Variants in MMADHC observed in about 807,000 individuals in gnomAD.
MMADHC encodes cobalamin trafficking protein CblD.
MMADHC carries 23 observed loss-of-function variants against 36.3 expected under a neutral mutation model. The observed-to-expected ratio is 0.63, with a 90% CI of 0.46 to 0.90. The LOEUF is 0.90. Ranked by LOEUF, MMADHC falls within the 40% of genes least tolerant of loss-of-function variation. MMADHC has a pLI of 0.00. For synonymous variants in MMADHC, 97 were observed against 116.1 expected (o/e 0.84, Z 1.06); for missense variants, 330 against 348.0 (o/e 0.95, Z 0.41).
At chr2:149,585,487 T>C (rs1463049023) in intron 2 of MMADHC, among the ~76,000 whole-genome samples, 2 of 152,224 alleles carry the variant, frequency 1.3e-5, no homozygotes, top group Non-Finnish European at 2.9e-5. Context: ...GATATTTGAA[T>C]TAAATACAAA....
At chr2:149,579,242 A>T (rs1682759629) in intron 4 of MMADHC, among the ~76,000 whole-genome samples, 189 bp downstream of exon 4, 1 of 152,200 alleles carries the variant, frequency 6.6e-6, no homozygotes, top group Admixed American at 6.5e-5. Flanking sequence ...ACAGTAAAAA[A>T]ATTATATAGC....
At chr2:149,580,051 T>C (rs1030879721) in intron 3 of MMADHC, among the ~76,000 whole-genome samples, 4 of 152,224 alleles carry the variant, frequency 2.6e-5, no homozygotes, top group African/African-American at 9.7e-5. Flanking sequence ...TGTTTTGTTT[T>C]TGAGACGGGT....
rs1376956703 is a variant in MMADHC at position 149,579,642 on chromosome 2, C to T, written c.161G>A (p.Arg54Gln). ...VAAAPPDICS[R>Q]TVWPDETMGP... ...CATAGTTTCATCAGGCCACACTGTT[C>T]GAGAGCCTGAAGAGAAACAACAAAA... The change falls in exon 4 of 8, where the codon CGA becomes CAA. Residue 54 changes from arginine (R) to glutamine (Q), a missense_variant. Physicochemically the swap from Arg to Gln is conservative, Grantham distance 43 (BLOSUM62 1). Transcript: ENST00000303319. The T allele has an allele frequency of 5.0e-6, 8 of 1,613,362 alleles. No individual in the cohort carries two copies. The highest frequency in any genetic ancestry group is 4.5e-5 in the East Asian group (2 of 44,870).
chr2:149,575,030 G>GCAATGCTCCAGC (rs1682693407), intron 6 of MMADHC, among the ~76,000 whole-genome samples: 1 of 152,128 alleles, frequency 6.6e-6, no homozygotes, highest in South Asian at 2.1e-4. Flanking sequence ...CTGGATTCAA[G>GCAATGCTCCAGC]CAATCCTCCA....
rs550535145 is a variant in MMADHC, at chr2:149,576,633, T to G, written c.373-91A>C. Reference sequence around the variant, plus strand: ...ATAAACCTGTCTTCCTTAGAAAGCTTTTTGTTTGTTTTTACAAAAAATTAT... The same window carrying G: ...ATAAACCTGTCTTCCTTAGAAAGCTGTTTGTTTGTTTTTACAAAAAATTAT... On this transcript the variant is annotated intron_variant, in intron 4 of 7. Transcript: ENST00000303319. The G allele has an allele frequency of 6.8e-5, 59 of 865,650 alleles. No individual in the cohort carries two copies. The African/African-American group carries it at 7.0e-4, about 10-fold the overall frequency. The allele number at this position is 865,650 out of a possible 1,614,324, so 53.6% of individuals were successfully genotyped here.
chr2:149,586,795 C>A, intron 2 of MMADHC: 3 of 404,960 alleles, frequency 7.4e-6, no homozygotes, highest in Non-Finnish European at 8.8e-6. Flanking sequence ...AAAAAAGGGC[C>A]TAAACATAGA....
At position 149,587,281 on chromosome 2, in the gene MMADHC, T is replaced by C. The variant is rs568361287; in HGVS notation, c.-52-132A>G. 1.5e-3 allele frequency: 959 copies of C among 654,920 alleles called. 7 individuals are homozygous for C. The highest frequency in any genetic ancestry group is 7.4e-3 in the South Asian group (425 of 57,164). The allele number at this position is 654,920 out of a possible 1,614,324, so 40.6% of individuals were successfully genotyped here. On this transcript the variant is annotated intron_variant, in intron 1 of 7. Coordinates refer to ENST00000303319, the MANE Select transcript of MMADHC (RefSeq NM_015702.3). ...CAAAGTCCAAGCTCTCCCCGTACCC[T>C]AAGGAGGCCAGAACTCGCCCCCATG...
chr2:149,576,658 T>C lies in MMADHC; in HGVS notation c.373-116A>G, dbSNP rs535950463. 2.0e-4 allele frequency: 146 copies of C among 729,850 alleles called. 1 individual carries two copies. The South Asian group carries it at 2.2e-3, about 11-fold the overall frequency. 45.2% of individuals were successfully genotyped at this position (729,850 alleles called of 1,614,324 possible). The stretch of plus-strand genomic sequence containing the variant: ...TTTTGTTTGTTTTTACAAAAAATTA[T>C]AATCTAACTGGGAGGTGAGGTAATA... On this transcript the variant is annotated intron_variant, in intron 4 of 7. Transcript: ENST00000303319.
chr2:149,578,031 AAACAAC>A (rs369345545), intron 4 of MMADHC, among the ~76,000 whole-genome samples: 7 of 152,048 alleles, frequency 4.6e-5, no homozygotes, highest in Non-Finnish European at 4.4e-5. Context: ...CAAACAAACC[AAACAAC>A]AACAACAACA....
intron 6 of MMADHC, among the ~76,000 whole-genome samples, chr2:149,572,942 C>T (rs190066721): frequency 6.6e-6 from 1 of 152,228 alleles, no homozygotes; most frequent in East Asian, 1.9e-4. Context: ...AGCTACAGCC[C>T]AAGGGCCAAA....
chr2:149,574,527 A>G (rs1338782236), intron 6 of MMADHC, among the ~76,000 whole-genome samples: 1 of 152,194 alleles, frequency 6.6e-6, no homozygotes, highest in East Asian at 1.9e-4. Context: ...TTTTAACTCA[A>G]GTTAGTGACT....
intron 2 of MMADHC, among the ~76,000 whole-genome samples, chr2:149,583,989 T>C (rs1015550117): frequency 1.3e-5 from 2 of 152,172 alleles, no homozygotes; most frequent in Admixed American, 1.3e-4. Flanking sequence ...ATAACCTCCT[T>C]TGTGATACGT....
chr2:149,572,094 C>T (rs1682649062), intron 6 of MMADHC: 3 of 302,138 alleles, frequency 9.9e-6, no homozygotes, highest in South Asian at 5.1e-5. Context: ...GTCTTACCAT[C>T]CTAATTTATA....
chr2:149,584,314 T>C (rs188282172), intron 2 of MMADHC, among the ~76,000 whole-genome samples: 1 of 152,342 alleles, frequency 6.6e-6, no homozygotes, highest in East Asian at 1.9e-4. Flanking sequence ...ATAATCAATG[T>C]TGGACACTAT....
At chr2:149,580,914 T>C (rs77097900) in intron 3 of MMADHC, among the ~76,000 whole-genome samples, 14,385 of 152,222 alleles carry the variant, frequency 0.095, 689 homozygotes, top group South Asian at 0.13. Context: ...ATTTTGTATT[T>C]CTAACAAGCT....
At chr2:149,574,582 A>AG (rs144022222) in intron 6 of MMADHC, among the ~76,000 whole-genome samples, 2,115 of 152,246 alleles carry the variant, frequency 0.014, 28 homozygotes, top group Middle Eastern at 0.017. Context: ...GCTAACACCC[A>AG]GGGTAAGCTA....
In MMADHC at chr2:149,587,113, T is replaced by C. The variant is rs144111552; in HGVS notation, c.-16A>G. On this transcript the variant is annotated 5_prime_UTR_variant, in exon 2 of 8. Coordinates refer to ENST00000303319, the MANE Select transcript of MMADHC (RefSeq NM_015702.3). ...CATTGGCCATCTCCGCTGGAGAAGA[T>C]AGTTCGCAAAATAGCTTTCCTTTGG... 6.7e-5 allele frequency: 108 copies of C among 1,613,566 alleles called. 1 individual carries two copies. The highest frequency in any genetic ancestry group is 3.6e-4 in the South Asian group (33 of 91,082).
chr2:149,571,923 TCA>T (rs1268690893), intron 6 of MMADHC, among the ~76,000 whole-genome samples: 2 of 152,176 alleles, frequency 1.3e-5, no homozygotes, highest in Non-Finnish European at 2.9e-5. Flanking sequence ...ATCTATCTAC[TCA>T]CATAGTCATG....
intron 2 of MMADHC, among the ~76,000 whole-genome samples, chr2:149,583,369 G>A (rs896111697): frequency 6.6e-6 from 1 of 152,058 alleles, no homozygotes; most frequent in Non-Finnish European, 1.5e-5. Flanking sequence ...ATATTTCAAA[G>A]AGTGACAAAT....
Sources: gnomAD v4.1 joint callset for allele counts (sites outside exome capture counted in the v4.1 genomes callset) on GRCh38, gnomAD v4.1.1 for gene constraint, MANE v1.5 for transcripts, NCBI Gene and HGNC (gene_info 2026-07-23, HGNC 2026-07-21) for gene names.